Variants in CPNE4 observed in about 807,000 individuals in gnomAD.
CPNE4 encodes the protein copine 4.
A neutral mutation model predicts 67.9 loss-of-function variants in CPNE4; 25 were observed. That is an observed-to-expected ratio of 0.37 (90% confidence interval 0.27 to 0.51). The LOEUF (loss-of-function observed/expected upper bound fraction) is 0.51. CPNE4 is among the 20% of genes least tolerant of loss of function. The pLI is 0.93. For missense variants in CPNE4, 464 were observed against 690.8 expected (o/e 0.67, Z 3.68); for synonymous variants, 242 against 244.9 (o/e 0.99, Z 0.11).
chr3:131,753,104 A>G (rs533155136), intron 2 of CPNE4, among the ~76,000 whole-genome samples: 129 of 151,970 alleles, frequency 8.5e-4, no homozygotes, highest in African/African-American at 2.5e-3. Flanking sequence ...ATGTAACAAA[A>G]TAGAGAGATC....
In CPNE4 at chr3:131,669,699, G is replaced by A. The variant is rs570865724; in HGVS notation, c.657C>T (p.Ser219=). 20 of 1,613,540 alleles carry A rather than the reference G, an allele frequency of 1.2e-5. No individual in the cohort carries two copies. The highest frequency in any genetic ancestry group is 3.3e-4 in the Middle Eastern group (2 of 6,060). ...CCTTTAGCCGGCGGTCTGGGTCTCC[G>A]CTGCATAGAGAATTTACAGATACTT... ...SFKVSVNSLC[S]GDPDRRLKCI... is the part of the protein sequence containing the mutation. Residue 219 remains serine, a synonymous_variant, in exon 7 of 16, where the codon AGC becomes AGT. Coordinates refer to ENST00000429747, the MANE Select transcript of CPNE4 (RefSeq NM_130808.3).
chr3:131,848,976 A>AAAC (rs2086122877), intron 2 of CPNE4, among the ~76,000 whole-genome samples: 1 of 141,110 alleles, frequency 7.1e-6, no homozygotes, highest in African/African-American at 2.5e-5. Context: ...AAAAAAAAAA[A>AAAC]AAAAAACACA....
chr3:131,553,860 G>A (rs1326801272), intron 12 of CPNE4, among the ~76,000 whole-genome samples: 1 of 152,118 alleles, frequency 6.6e-6, no homozygotes, highest in Non-Finnish European at 1.5e-5. Context: ...ATCAGTGCTT[G>A]TCTGAGGAAT....
At chr3:131,890,077 T>C (rs565641819) in intron 2 of CPNE4, among the ~76,000 whole-genome samples, 5 of 152,100 alleles carry the variant, frequency 3.3e-5, no homozygotes, top group South Asian at 4.2e-4. Context: ...AAAGCAAACA[T>C]AGACAAGTGA....
intron 7 of CPNE4, among the ~76,000 whole-genome samples, chr3:131,654,087 G>A (rs1332500927): frequency 6.6e-6 from 1 of 152,120 alleles, no homozygotes; most frequent in Non-Finnish European, 1.5e-5. Context: ...CTGGTCTGAG[G>A]TGGGGTCTAG....
chr3:131,735,763 C>T (rs781063007), intron 2 of CPNE4, among the ~76,000 whole-genome samples: 8 of 152,240 alleles, frequency 5.3e-5, no homozygotes, highest in Admixed American at 1.3e-4. Flanking sequence ...GGCAAAGTGC[C>T]AACAACATAC....
intron 2 of CPNE4, among the ~76,000 whole-genome samples, chr3:131,862,351 T>C (rs1232334394): frequency 6.6e-6 from 1 of 152,176 alleles, no homozygotes; most frequent in African/African-American, 2.4e-5. Flanking sequence ...TTGATAATTC[T>C]CCCATAAAAT....
At chr3:131,975,009 A>G (rs556718081) in intron 1 of CPNE4, among the ~76,000 whole-genome samples, 1 of 152,194 alleles carries the variant, frequency 6.6e-6, no homozygotes, top group Non-Finnish European at 1.5e-5. Flanking sequence ...CCCTGTCTCA[A>G]AAATCAAATA....
chr3:131,814,648 A>G (rs966581401), intron 2 of CPNE4, among the ~76,000 whole-genome samples: 1 of 94,130 alleles, frequency 1.1e-5, no homozygotes, highest in Non-Finnish European at 1.7e-5. Flanking sequence ...TCTGTCGCCC[A>G]GGCTGGAGTG....
chr3:131,639,029 T>C (rs2079468834), intron 7 of CPNE4, among the ~76,000 whole-genome samples: 1 of 152,044 alleles, frequency 6.6e-6, no homozygotes. Flanking sequence ...AAGAGGAAAG[T>C]TCATAGCATT....
At chr3:131,685,792 AC>A in intron 6 of CPNE4, 82 bp downstream of exon 6, 10 of 912,426 alleles carry the variant, frequency 1.1e-5, no homozygotes, top group Non-Finnish European at 1.7e-5. Flanking sequence ...ACACACACAC[AC>A]ACACAAAAAG....
chr3:131,785,976 G>T (rs531564987), intron 2 of CPNE4, among the ~76,000 whole-genome samples: 1 of 152,024 alleles, frequency 6.6e-6, no homozygotes, highest in African/African-American at 2.4e-5. Context: ...TGCTTTCTTT[G>T]CCAGGTTCCT....
chr3:131,840,817 G>C (rs1411664201), intron 2 of CPNE4, among the ~76,000 whole-genome samples: 1 of 152,162 alleles, frequency 6.6e-6, no homozygotes, highest in Non-Finnish European at 1.5e-5. Context: ...GGGAGTCTCA[G>C]GTGTGACCAT....
chr3:131,680,429 C>A (rs988953298), intron 6 of CPNE4, among the ~76,000 whole-genome samples: 4 of 152,002 alleles, frequency 2.6e-5, no homozygotes, highest in Non-Finnish European at 5.9e-5. Flanking sequence ...GACAAACTAA[C>A]AAACAAGCAA....
In CPNE4 at chr3:131,905,576, A is replaced by T. The variant is rs1173705316; in HGVS notation, c.-1-132T>A. ...TTCAAACATTGAAGGTATTTATCTC[A>T]CTTTCCAACCCAGTGACACAGTTCC... On this transcript the variant is annotated intron_variant, in intron 1 of 15. Transcript: ENST00000429747. The T allele has an allele frequency of 9.1e-6, 7 of 766,242 alleles. No homozygotes were observed. In the East Asian group the frequency reaches 1.4e-4, roughly 15 times the overall value. 47.5% of individuals were successfully genotyped at this position (766,242 alleles called of 1,614,324 possible).
intron 1 of CPNE4, among the ~76,000 whole-genome samples, chr3:131,920,678 G>A (rs369615576): frequency 1.6e-4 from 24 of 151,704 alleles, no homozygotes; most frequent in Non-Finnish European, 2.6e-4. Flanking sequence ...AAAAATCTCC[G>A]GAACCAGGAA....
chr3:131,598,851 C>G lies in CPNE4; in HGVS notation c.682-11269G>C, dbSNP rs900961215. Among the ~76,000 whole-genome samples the G allele has an allele frequency of 1.2e-3, 166 of 143,458 alleles. 9 individuals carry two copies. The highest frequency in any genetic ancestry group is 4.3e-3 in the African/African-American group (160 of 36,834). 94.1% of individuals were successfully genotyped at this position (143,458 alleles called of 152,430 possible). ...ACACTCTTTAAAATTGTCCCCCCAC[C>G]CCCCCGCCAAAAAAAAATTACCCAA... On this transcript the variant is annotated intron_variant, in intron 7 of 15. Transcript: ENST00000429747.
At chr3:131,663,716 A>G (rs2080185775) in intron 7 of CPNE4, among the ~76,000 whole-genome samples, 1 of 152,272 alleles carries the variant, frequency 6.6e-6, no homozygotes, top group Admixed American at 6.5e-5. Context: ...TTTTAAACCA[A>G]CCAGGCATGG....
chr3:132,031,873 C>T (rs1179706677), intron 1 of CPNE4, among the ~76,000 whole-genome samples: 2 of 152,028 alleles, frequency 1.3e-5, no homozygotes, highest in African/African-American at 4.8e-5. Flanking sequence ...TAATAATGGG[C>T]TTGAATAATC....
Sources: gnomAD v4.1 joint callset for allele counts (sites outside exome capture counted in the v4.1 genomes callset) on GRCh38, gnomAD v4.1.1 for gene constraint, MANE v1.5 for transcripts, NCBI Gene and HGNC (gene_info 2026-07-23, HGNC 2026-07-21) for gene names.